The following MOXD1 variants were observed in gnomAD, a reference collection of about 807,000 sequenced individuals.
MOXD1 encodes monooxygenase DBH like 1, also known as DBH-like monooxygenase protein 1.
MOXD1 carries 62 observed loss-of-function variants against 66.6 expected under a neutral mutation model. The ratio of observed to expected loss-of-function variants is 0.93; its 90% CI spans 0.76 to 1.15. The LOEUF (loss-of-function observed/expected upper bound fraction) is 1.15. Among genes scored for constraint, MOXD1 ranks in the 50% most tolerant of loss-of-function variants. MOXD1 has a pLI of 0.00. For synonymous variants in MOXD1, 303 were observed against 281.9 expected, an observed-to-expected ratio of 1.07 and a Z score of -0.75; for missense variants, 847 against 754.6, an observed-to-expected ratio of 1.12 and a Z score of -1.44.
At chr6:132,396,699 T>C (rs928136678) in intron 1 of MOXD1, among the ~76,000 whole-genome samples, 2 of 152,108 alleles carry the variant, frequency 1.3e-5, no homozygotes, top group African/African-American at 2.4e-5. Flanking sequence ...CAAGTATAAC[T>C]GATATCAAAG....
At chr6:132,305,978 G>T (rs761130773) in intron 10 of MOXD1, among the ~76,000 whole-genome samples, 4 of 152,056 alleles carry the variant, frequency 2.6e-5, no homozygotes, top group Non-Finnish European at 5.9e-5. Flanking sequence ...TTGCAACATC[G>T]CTCCATCAAG....
At chr6:132,349,020 T>C (rs1775728062) in intron 4 of MOXD1, among the ~76,000 whole-genome samples, 1 of 151,850 alleles carries the variant, frequency 6.6e-6, no homozygotes, top group African/African-American at 2.4e-5. Context: ...GCACAGGTAG[T>C]ATTTGGTTAC....
chr6:132,297,873 T>C lies in MOXD1; in HGVS notation c.1591A>G (p.Lys531Glu), dbSNP rs905917948. 1.9e-6 allele frequency: 3 copies of C among 1,613,476 alleles called. No individual in the cohort carries two copies. Among genetic ancestry groups the C allele is most frequent in the Admixed American group, 1.7e-5 (1 of 59,894 alleles). Reference sequence around the variant, plus strand: ...TTGTTGAAGGAGAGACCTTCCTTTTTAGTCCATTTAAACTTATTCATAGCA... The same window carrying C: ...TTGTTGAAGGAGAGACCTTCCTTTTCAGTCCATTTAAACTTATTCATAGCA... Reference protein sequence around the residue: ...MDAMNKFKWTKKEGLSFNKLV... With the variant: ...MDAMNKFKWTEKEGLSFNKLV... Residue 531 changes from lysine (K) to glutamate (E), a missense_variant, in exon 11 of 12, where the codon AAA becomes GAA. By Grantham distance (56) the Lys-to-Glu change is moderately conservative. Coordinates refer to ENST00000367963, the MANE Select transcript of MOXD1 (RefSeq NM_015529.4).
At chr6:132,400,633 A>T (rs144653287) in intron 1 of MOXD1, among the ~76,000 whole-genome samples, 1 of 152,110 alleles carries the variant, frequency 6.6e-6, no homozygotes, top group Non-Finnish European at 1.5e-5. Context: ...TCCCTAAGCG[A>T]TTCTTAGGGG....
intron 1 of MOXD1, among the ~76,000 whole-genome samples, chr6:132,400,335 C>T (rs1262202318): frequency 2.0e-5 from 3 of 152,008 alleles, no homozygotes; most frequent in Non-Finnish European, 2.9e-5. Flanking sequence ...GCCATCCAAA[C>T]GTTGGTCACG....
Position 132,322,873 on chromosome 6 carries a change from A to G in MOXD1, c.1114-3T>C. On this transcript the variant is annotated splice_polypyrimidine_tract_variant and splice_region_variant and intron_variant, in intron 7 of 11. Coordinates refer to ENST00000367963, the MANE Select transcript of MOXD1 (RefSeq NM_015529.4). ...CTTGGCTTTTCGGCTTCCAGAGCCT[A>G]CAGGAGACACCGAGGAAGACCCGAT... is the stretch of plus-strand genomic sequence containing the variant. The G allele has an allele frequency of 1.2e-6, 2 of 1,607,834 alleles. No individual in the cohort carries two copies. Among genetic ancestry groups the G allele is most frequent in the Non-Finnish European group, 1.7e-6 (2 of 1,177,646 alleles).
intron 10 of MOXD1, among the ~76,000 whole-genome samples, chr6:132,302,981 TG>T (rs371634398): frequency 2.6e-4 from 40 of 152,236 alleles, no homozygotes; most frequent in African/African-American, 9.6e-4. Context: ...TTGCACAACT[TG>T]ATATCTATAT....
intron 10 of MOXD1, among the ~76,000 whole-genome samples, chr6:132,305,936 A>G (rs1189120752): frequency 6.6e-6 from 1 of 152,162 alleles, no homozygotes; most frequent in Non-Finnish European, 1.5e-5. Context: ...TGAAAATCCA[A>G]AAGGTCAGAG....
intron 10 of MOXD1, among the ~76,000 whole-genome samples, chr6:132,309,964 G>T (rs900783002): frequency 6.6e-6 from 1 of 151,954 alleles, no homozygotes; most frequent in Non-Finnish European, 1.5e-5. Flanking sequence ...TGACAAAAAC[G>T]CCAAAAGCAA....
chr6:132,297,163 T>G lies in MOXD1; in HGVS notation c.1832A>C (p.Lys611Thr). ...CCAACAGAATTTTGATCACAAGCTC[T>G]TGGTGCTCAGCGTGCAGCTGAGTAG... Reference protein sequence around the residue: ...LLLLSCTLSTKSL With the variant: ...LLLLSCTLSTTSL The change falls in exon 12 of 12, where the codon AAG becomes ACG. Residue 611 changes from lysine to threonine, a missense_variant. Lys to Thr is a moderately conservative substitution (Grantham distance 78). Transcript: ENST00000367963. 6.2e-7 allele frequency: 1 copy of G among 1,613,038 alleles called. No individual in the cohort carries two copies. The highest frequency in any genetic ancestry group is 8.5e-7 in the Non-Finnish European group (1 of 1,179,326).
At chr6:132,317,793 A>C (rs1673579159) in intron 9 of MOXD1, among the ~76,000 whole-genome samples, 1 of 152,178 alleles carries the variant, frequency 6.6e-6, no homozygotes, top group African/African-American at 2.4e-5. Context: ...TCCAGCTTCT[A>C]TCCCTCTTCT....
Position 132,401,180 on chromosome 6 carries a change from C to G in MOXD1, c.247G>C (p.Gly83Arg). The G allele has an allele frequency of 6.5e-7, 1 of 1,533,924 alleles. No homozygotes were observed. Among genetic ancestry groups the G allele is most frequent in the South Asian group, 1.2e-5 (1 of 83,544 alleles). The change falls in exon 1 of 12, where the codon GGG (glycine) becomes CGG (arginine). Residue 83 changes from glycine (G) to arginine (R), a missense_variant. By Grantham distance (125) the Gly-to-Arg change is moderately radical. Coordinates refer to ENST00000367963, the MANE Select transcript of MOXD1 (RefSeq NM_015529.4). ...ADIVVGGVAH[G>R]RPYLQDYFTN... ...GCGCTTACCTGGAGGTAGGGCCGCC[C>G]GTGGGCCACCCCGCCCACGACGATG... is the stretch of plus-strand genomic sequence containing the variant.
At chr6:132,385,175 G>T (rs947265022) in intron 1 of MOXD1, among the ~76,000 whole-genome samples, 1 of 152,158 alleles carries the variant, frequency 6.6e-6, no homozygotes, top group African/African-American at 2.4e-5. Flanking sequence ...AGATGGGGAA[G>T]CCTGGGAAGG....
rs757573616 is a variant in MOXD1, at chr6:132,328,589, C to T, written c.669G>A (p.Glu223=). 1.2e-6 allele frequency: 2 copies of T among 1,613,822 alleles called. No homozygotes were observed. The highest frequency in any genetic ancestry group is 1.7e-6 in the Non-Finnish European group (2 of 1,179,826). The part of the protein sequence containing the change: ...FQEKHHVIKV[E]PVIQRGHESL... Reference sequence around the variant, plus strand: ...TCTCATGGCCTCTCTGTATCACTGGCTCAACCTACACGAACATAAATGAGA... The same window carrying T: ...TCTCATGGCCTCTCTGTATCACTGGTTCAACCTACACGAACATAAATGAGA... Residue 223 remains glutamate, a synonymous_variant, in exon 5 of 12, where the codon GAG becomes GAA. Transcript: ENST00000367963.
intron 1 of MOXD1, among the ~76,000 whole-genome samples, chr6:132,387,894 T>C (rs9375884): frequency 0.42 from 63,729 of 150,632 alleles, 19,166 homozygotes; most frequent in African/African-American, 0.81. Flanking sequence ...TCAGATGCAC[T>C]TATATTTAAT....
At chr6:132,366,903 T>C (rs1338387) in intron 4 of MOXD1, among the ~76,000 whole-genome samples, 54,690 of 151,858 alleles carry the variant, frequency 0.36, 12,645 homozygotes, top group East Asian at 0.72. Context: ...GGACATTCCA[T>C]GGCTATTCAA....
At chr6:132,338,003 A>G (rs188993886) in intron 4 of MOXD1, among the ~76,000 whole-genome samples, 1 of 152,198 alleles carries the variant, frequency 6.6e-6, no homozygotes, top group Non-Finnish European at 1.5e-5. Context: ...GCCATAAGTA[A>G]GTCACATGAT....
intron 9 of MOXD1, among the ~76,000 whole-genome samples, chr6:132,318,104 G>C (rs2114562185): frequency 6.6e-6 from 1 of 151,688 alleles, no homozygotes; most frequent in East Asian, 1.9e-4. Flanking sequence ...CCTTTTGATG[G>C]GTATTTGAGA....
chr6:132,312,382 T>A (rs912370293), intron 10 of MOXD1, among the ~76,000 whole-genome samples: 1 of 152,190 alleles, frequency 6.6e-6, no homozygotes, highest in South Asian at 2.1e-4. Context: ...AATATTCTTC[T>A]AAGCAAAACA....
Sources: gnomAD v4.1 joint callset for allele counts (sites outside exome capture counted in the v4.1 genomes callset) on GRCh38, gnomAD v4.1.1 for gene constraint, MANE v1.5 for transcripts, NCBI Gene and HGNC (gene_info 2026-07-23, HGNC 2026-07-21) for gene names.